Variants in PLPBP observed in about 807,000 individuals in gnomAD.
The protein encoded by PLPBP is pyridoxal phosphate homeostasis protein.
In PLPBP, 21 loss-of-function variants were observed where a neutral mutation model predicts 31.2. The observed-to-expected ratio is 0.67, with a 90% CI of 0.48 to 0.97. PLPBP has a LOEUF of 0.97. PLPBP is among the 50% of genes least tolerant of loss of function. The probability of loss-of-function intolerance (pLI) is 0.00; values close to 1 mark genes in which losing one functional copy is unlikely to be tolerated. For missense variants in PLPBP, 308 were observed against 354.4 expected (o/e 0.87, Z 1.05); for synonymous variants, 124 against 135.6 (o/e 0.91, Z 0.59).
intron 4 of PLPBP, chr8:37,766,820 G>C (rs552096267): frequency 1.4e-4 from 33 of 236,580 alleles, no homozygotes; most frequent in Non-Finnish European, 2.1e-4. Context: ...GAGGCAGGCG[G>C]ATCACCTGAG....
At chr8:37,771,160 C>A (rs1464248068) in intron 4 of PLPBP, among the ~76,000 whole-genome samples, 1 of 151,932 alleles carries the variant, frequency 6.6e-6, no homozygotes, top group Non-Finnish European at 1.5e-5. Flanking sequence ...TTTAGTCTTT[C>A]TAGTCTTGCT....
chr8:37,777,862 C>G, intron 7 of PLPBP, 111 bp from the exon 8 acceptor site: 1 of 1,284,234 alleles, frequency 7.8e-7, no homozygotes, highest in Admixed American at 2.1e-5. Context: ...TGAGCCACCA[C>G]GCCCCGTCCA....
At position 37,762,651 on chromosome 8, in the gene PLPBP, C is replaced by T. The variant is rs371407450; in HGVS notation, c.-9C>T. On this transcript the variant is annotated 5_prime_UTR_variant, in exon 1 of 8. Transcript: ENST00000328195. ...CGGGGGCCTGGGGCTCGGCGTCGGTCCCCGGGGGATGTGGAGAGCTGGCAG... is the reference window on the plus strand; with the variant it reads ...CGGGGGCCTGGGGCTCGGCGTCGGTTCCCGGGGGATGTGGAGAGCTGGCAG... 5.1e-6 allele frequency: 8 copies of T among 1,571,362 alleles called. No homozygotes were observed. The Admixed American group carries it at 7.5e-5, about 15-fold the overall frequency.
intron 7 of PLPBP, among the ~76,000 whole-genome samples, chr8:37,776,704 A>AC (rs1202034129): frequency 6.6e-6 from 1 of 152,138 alleles, no homozygotes; most frequent in East Asian, 1.9e-4. Flanking sequence ...GCATTTCATT[A>AC]CGTAAGTGCG....
intron 7 of PLPBP, among the ~76,000 whole-genome samples, 167 bp from the exon 8 acceptor site, chr8:37,777,806 C>T (rs1585942840): frequency 1.3e-5 from 2 of 152,132 alleles, no homozygotes; most frequent in East Asian, 1.9e-4. Flanking sequence ...CCCCTGATCT[C>T]GTGATCTGCC....
intron 4 of PLPBP, among the ~76,000 whole-genome samples, chr8:37,772,522 TC>T (rs1187880429): frequency 1.3e-5 from 2 of 152,230 alleles, no homozygotes; most frequent in Non-Finnish European, 2.9e-5. Context: ...TGCTGCCTGA[TC>T]ATGTATGTCA....
rs1442265430 is a variant in PLPBP at position 37,778,135 on chromosome 8, A to G, written c.*31A>G. 1.2e-6 allele frequency: 2 copies of G among 1,605,756 alleles called. No individual in the cohort carries two copies. The highest frequency in any genetic ancestry group is 2.3e-5 in the East Asian group (1 of 44,408). On this transcript the variant is annotated 3_prime_UTR_variant, in exon 8 of 8. Coordinates refer to ENST00000328195, the MANE Select transcript of PLPBP (RefSeq NM_007198.4). ...GGAATACTGAGAGCACTAACTATGC[A>G]CTAACCTAGATTTTCATTTCGATAT... is the stretch of plus-strand genomic sequence containing the variant.
intron 5 of PLPBP, 162 bp from the exon 6 acceptor site, chr8:37,775,177 A>G: frequency 1.4e-6 from 1 of 708,632 alleles, no homozygotes; most frequent in Non-Finnish European, 2.3e-6. Flanking sequence ...AGAGCAACAT[A>G]GAAAACCCCA....
upstream of PLPBP, chr8:37,762,580 G>T: frequency 6.6e-7 from 1 of 1,511,194 alleles, no homozygotes; most frequent in South Asian, 1.3e-5. Flanking sequence ...TGGTTCACAC[G>T]GCGCAAGCTG....
intron 5 of PLPBP, among the ~76,000 whole-genome samples, chr8:37,774,595 T>C (rs964043861): frequency 2.0e-5 from 3 of 152,230 alleles, no homozygotes; most frequent in Admixed American, 6.5e-5. Context: ...AATCTTAGTA[T>C]GCAGGAACAC....
At chr8:37,769,003 G>C (rs1197425016) in intron 4 of PLPBP, among the ~76,000 whole-genome samples, 2 of 151,860 alleles carry the variant, frequency 1.3e-5, no homozygotes, top group Admixed American at 6.6e-5. Context: ...TATTTTCTTG[G>C]GCTTTTCTAA....
At chr8:37,775,103 G>A (rs1008823423) in intron 5 of PLPBP, 10 of 359,078 alleles carry the variant, frequency 2.8e-5, no homozygotes, top group Middle Eastern at 7.3e-4. Context: ...GAAATCCTGA[G>A]ATGGAGGAAA....
rs113010140 is a variant in PLPBP at position 37,766,324 on chromosome 8, C to T, written c.288C>T (p.His96=). The T allele has an allele frequency of 3.1e-4, 495 of 1,608,530 alleles. 1 individual carries two copies. In the African/African-American group the frequency reaches 5.2e-3, roughly 17 times the overall value. The change falls in exon 4 of 8, where the codon CAC becomes CAT. Residue 96 remains histidine (H), a synonymous_variant. Coordinates refer to ENST00000328195, the MANE Select transcript of PLPBP (RefSeq NM_007198.4). ...AGATCAAATGGCACTTCATTGGCCACCTACAGAAACAAAATGTCAACAAAT... is the reference window on the plus strand; with the variant it reads ...AGATCAAATGGCACTTCATTGGCCATCTACAGAAACAAAATGTCAACAAAT... The part of the protein sequence containing the change: ...CPEIKWHFIG[H]LQKQNVNKLM...
At chr8:37,776,489 A>C (rs866918402) in intron 7 of PLPBP, among the ~76,000 whole-genome samples, 1,692 of 149,998 alleles carry the variant, frequency 0.011, 11 homozygotes, top group African/African-American at 0.028. Context: ...AAAAAAAAAA[A>C]AAAAAAAAAA....
At position 37,764,034 on chromosome 8, in the gene PLPBP, T is replaced by C. The variant is rs373363824; in HGVS notation, c.99+1276T>C. On this transcript the variant is annotated intron_variant, in intron 1 of 7. Transcript: ENST00000328195. ...CTGATCCTGAATCCAGAATTTTTTGTGTCGCAGCCTTAGTTCTGCCACTGG... is the reference window on the plus strand; with the variant it reads ...CTGATCCTGAATCCAGAATTTTTTGCGTCGCAGCCTTAGTTCTGCCACTGG... Among the ~76,000 whole-genome samples, 15 of 151,526 alleles carry C rather than the reference T, an allele frequency of 9.9e-5. No individual in the cohort carries two copies. The South Asian group carries it at 1.7e-3, about 17-fold the overall frequency.
At chr8:37,768,469 T>C (rs1229874695) in intron 4 of PLPBP, among the ~76,000 whole-genome samples, 1 of 138,874 alleles carries the variant, frequency 7.2e-6, no homozygotes, top group African/African-American at 2.7e-5. Context: ...GATTTTCTTT[T>C]TTTTTTTTTT....
chr8:37,769,057 A>G (rs1803709813), intron 4 of PLPBP, among the ~76,000 whole-genome samples: 1 of 152,208 alleles, frequency 6.6e-6, no homozygotes, highest in African/African-American at 2.4e-5. Flanking sequence ...CAACTAGGCC[A>G]GGCACAGTGG....
rs1426958960 is a variant in PLPBP, at chr8:37,775,983, G to C, written c.663G>C (p.Leu221=). Residue 221 remains leucine, a synonymous_variant, in exon 7 of 8, where the codon CTG becomes CTC. Coordinates refer to ENST00000328195, the MANE Select transcript of PLPBP (RefSeq NM_007198.4). The stretch of plus-strand genomic sequence containing the variant: ...ACATCCCTGCTGACCAGGTTGAGCT[G>C]AGCATGGGCATGTCCGCGGATTTCC... ...KLNIPADQVE[L]SMGMSADFQH... is the part of the protein sequence containing the mutation. 6.2e-7 allele frequency: 1 copy of C among 1,614,038 alleles called. No homozygotes were observed. The highest frequency in any genetic ancestry group is 8.5e-7 in the Non-Finnish European group (1 of 1,179,966).
intron 4 of PLPBP, among the ~76,000 whole-genome samples, chr8:37,770,724 C>T (rs1183132273): frequency 6.6e-6 from 1 of 150,898 alleles, no homozygotes; most frequent in Non-Finnish European, 1.5e-5. Context: ...ATTACAGGCA[C>T]GCCCCACCAT....
Sources: gnomAD v4.1 joint callset for allele counts (sites outside exome capture counted in the v4.1 genomes callset) on GRCh38, gnomAD v4.1.1 for gene constraint, MANE v1.5 for transcripts, NCBI Gene and HGNC (gene_info 2026-07-23, HGNC 2026-07-21) for gene names.